SFI1: variants seen among roughly 807,000 people sequenced by gnomAD.
The protein encoded by SFI1 is protein SFI1 homolog.
SFI1 carries 195 observed loss-of-function variants against 207.5 expected under a neutral mutation model. The ratio of observed to expected loss-of-function variants is 0.94; its 90% CI spans 0.84 to 1.06. The LOEUF (loss-of-function observed/expected upper bound fraction) is 1.06, where lower values mean the gene tolerates loss of function less well. Among genes scored for constraint, SFI1 ranks in the 50% least tolerant of loss-of-function variants. The pLI is 0.00. For missense variants in SFI1, 1,634 were observed against 1,588.0 expected, an observed-to-expected ratio of 1.03 and a Z score of -0.49; for synonymous variants, 630 against 598.9, an observed-to-expected ratio of 1.05 and a Z score of -0.76.
chr22:31,567,905 G>A (rs2062490484), intron 8 of SFI1, among the ~76,000 whole-genome samples: 1 of 152,182 alleles, frequency 6.6e-6, no homozygotes, highest in Admixed American at 6.5e-5. Context: ...CTGGTGGAAT[G>A]TGTTAAAAGG....
At chr22:31,615,402 A>G (rs2147414266) in intron 29 of SFI1, 123 bp downstream of exon 29, 1 of 913,544 alleles carries the variant, frequency 1.1e-6, no homozygotes, top group Non-Finnish European at 1.5e-6. Flanking sequence ...CCACTCATCC[A>G]TTTGACAAGC....
chr22:31,611,647 C>T, intron 23 of SFI1, 119 bp from the exon 24 acceptor site: 1 of 1,050,230 alleles, frequency 9.5e-7, no homozygotes, highest in Non-Finnish European at 1.4e-6. Context: ...TGGCACCATC[C>T]AGGACTCCTA....
rs1003537445 is a variant in SFI1, at chr22:31,528,923, T to A, written c.266+60T>A. On this transcript the variant is annotated intron_variant, in intron 3 of 32. Transcript: ENST00000400288. Reference sequence around the variant, plus strand: ...TTTGCTTTTGTTCTCCTTTCTTGGTTAAAATGGGGGAATGATTCTTATTCT... The same window carrying A: ...TTTGCTTTTGTTCTCCTTTCTTGGTAAAAATGGGGGAATGATTCTTATTCT... 3.3e-6 allele frequency: 5 copies of A among 1,497,374 alleles called. No individual in the cohort carries two copies. The African/African-American group carries it at 5.6e-5, about 17-fold the overall frequency. The allele number at this position is 1,497,374 out of a possible 1,614,324, so 92.8% of individuals were successfully genotyped here. A position where few individuals can be genotyped will look rare whatever the true frequency, so the allele number is the denominator to read the frequency against.
chr22:31,564,698 C>T (rs897761289), intron 8 of SFI1, among the ~76,000 whole-genome samples: 4 of 150,526 alleles, frequency 2.7e-5, no homozygotes, highest in Non-Finnish European at 4.4e-5. Context: ...CTTGTGGAGT[C>T]GAGGTCTCAC....
At chr22:31,589,195 TGTGTGTATGTGTGTGC>T (rs1372873963) in intron 14 of SFI1, among the ~76,000 whole-genome samples, 2 of 107,062 alleles carry the variant, frequency 1.9e-5, no homozygotes, top group African/African-American at 7.0e-5. Flanking sequence ...TGAGTGAGAG[TGTGTGTATGTGTGTGC>T]GTGTGTGTGT....
intron 1 of SFI1, among the ~76,000 whole-genome samples, chr22:31,502,566 G>T (rs1203664347): frequency 6.6e-6 from 1 of 152,018 alleles, no homozygotes; most frequent in East Asian, 1.9e-4. Context: ...TAGAGACGGG[G>T]TTTCACCATG....
chr22:31,616,862 G>A lies in SFI1; in HGVS notation c.3418G>A (p.Gly1140Arg), dbSNP rs2071613942. ...CTTCTCAGCCACCAGGGCTGGGCCT[G>A]GACTTTCAACTGCAGGTGTGTACCT... ...GDFSATRAGP[G>R]LSTAGSLDLE... Residue 1140 changes from glycine to arginine, a missense_variant, in exon 30 of 33, where the codon GGA (glycine) becomes AGA (arginine). Physicochemically the swap from Gly to Arg is moderately radical, Grantham distance 125. Transcript: ENST00000400288. The A allele has an allele frequency of 6.2e-7, 1 of 1,611,548 alleles. No homozygotes were observed. Among genetic ancestry groups the A allele is most frequent in the South Asian group, 1.1e-5 (1 of 90,670 alleles).
intron 8 of SFI1, among the ~76,000 whole-genome samples, chr22:31,571,124 C>T (rs920865950): frequency 2.6e-5 from 4 of 152,118 alleles, no homozygotes; most frequent in South Asian, 4.1e-4. Context: ...TGGCACAATG[C>T]GGTCTAGAGT....
chr22:31,552,709 T>C (rs2060732943), intron 6 of SFI1, among the ~76,000 whole-genome samples: 1 of 152,146 alleles, frequency 6.6e-6, no homozygotes, highest in Non-Finnish European at 1.5e-5. Flanking sequence ...GATTGCTGGG[T>C]CGAATGGTGG....
At chr22:31,500,098 C>A (rs976094480) in intron 1 of SFI1, among the ~76,000 whole-genome samples, 15 of 149,596 alleles carry the variant, frequency 1.0e-4, no homozygotes, top group African/African-American at 3.7e-4. Flanking sequence ...GGTGGGCGAT[C>A]ACTTGAGGTC....
intron 24 of SFI1, 195 bp downstream of exon 24, chr22:31,612,035 AAC>A: frequency 3.6e-6 from 5 of 1,382,968 alleles, no homozygotes; most frequent in Non-Finnish European, 4.7e-6. Flanking sequence ...TCTGCATAAG[AAC>A]AGTTACTTCA....
In SFI1 at chr22:31,595,072, C is replaced by T. The variant is rs115132933; in HGVS notation, c.1544+5495C>T. Among the ~76,000 whole-genome samples, 751 of 152,176 alleles carry T rather than the reference C, an allele frequency of 4.9e-3. 6 individuals carry two copies. Among genetic ancestry groups the T allele is most frequent in the African/African-American group, 0.013 (521 of 41,526 alleles). On this transcript the variant is annotated intron_variant, in intron 15 of 32. Transcript: ENST00000400288. ...CATGCAGTGGCACCATCTTGACTCACGGCAAACTCCACATCCTGGGTTCAA... is the reference window on the plus strand; with the variant it reads ...CATGCAGTGGCACCATCTTGACTCATGGCAAACTCCACATCCTGGGTTCAA...
intron 6 of SFI1, among the ~76,000 whole-genome samples, chr22:31,550,923 A>G (rs2060567829): frequency 6.6e-6 from 1 of 152,116 alleles, no homozygotes; most frequent in African/African-American, 2.4e-5. Flanking sequence ...CACAAGTACA[A>G]CCTGTCAACT....
chr22:31,577,426 G>A (rs906176860), intron 10 of SFI1, among the ~76,000 whole-genome samples: 1 of 152,052 alleles, frequency 6.6e-6, no homozygotes, highest in African/African-American at 2.4e-5. Flanking sequence ...TTAGAGACAG[G>A]GTCACATGTT....
At chr22:31,501,955 G>A (rs937129305) in intron 1 of SFI1, among the ~76,000 whole-genome samples, 6 of 152,114 alleles carry the variant, frequency 3.9e-5, no homozygotes, top group Admixed American at 3.3e-4. Flanking sequence ...TAGTGTCAGT[G>A]AGTGTGTGTG....
intron 10 of SFI1, 33 bp downstream of exon 10, chr22:31,575,425 C>T: frequency 6.4e-7 from 1 of 1,550,804 alleles, no homozygotes; most frequent in Non-Finnish European, 8.7e-7. Context: ...TGTCCATTGC[C>T]TCAGCCAGGA....
intron 8 of SFI1, among the ~76,000 whole-genome samples, chr22:31,563,972 T>A (rs1192349535): frequency 6.6e-6 from 1 of 152,030 alleles, no homozygotes; most frequent in Non-Finnish European, 1.5e-5. Flanking sequence ...TAATTTAAAA[T>A]TTAAAATTAA....
chr22:31,579,130 G>A (rs1420094901), intron 11 of SFI1, among the ~76,000 whole-genome samples: 1 of 151,466 alleles, frequency 6.6e-6, no homozygotes, highest in Non-Finnish European at 1.5e-5. Context: ...CAGTGTTGAG[G>A]CATTAGTATT....
intron 14 of SFI1, among the ~76,000 whole-genome samples, chr22:31,585,432 T>G (rs2064899634): frequency 6.6e-6 from 1 of 152,188 alleles, no homozygotes; most frequent in Admixed American, 6.5e-5. Context: ...AGCCAGCCCT[T>G]CACCCAGTGG....
Sources: gnomAD v4.1 joint callset for allele counts (sites outside exome capture counted in the v4.1 genomes callset) on GRCh38, gnomAD v4.1.1 for gene constraint, MANE v1.5 for transcripts, NCBI Gene and HGNC (gene_info 2026-07-23, HGNC 2026-07-21) for gene names.